SORL1: variants seen among roughly 807,000 people sequenced by gnomAD.
SORL1 encodes the protein sortilin related receptor 1, also known as sortilin-related receptor.
Under a neutral mutation model 273.7 loss-of-function variants are expected in SORL1, and 127 were observed. The observed-to-expected ratio is 0.46, with a 90% confidence interval of 0.40 to 0.54. SORL1 has a LOEUF of 0.54. Ranked by LOEUF, SORL1 falls within the 20% of genes least tolerant of loss-of-function variation. The pLI, the probability that SORL1 is intolerant of heterozygous loss-of-function variation, is 0.00. For missense variants in SORL1, 2,494 were observed against 2,846.1 expected, an observed-to-expected ratio of 0.88 and a Z score of 2.81; for synonymous variants, 1,031 against 1,067.4, an observed-to-expected ratio of 0.97 and a Z score of 0.66.
chr11:121,590,924 C>T (rs748021339), intron 30 of SORL1, 77 bp from the exon 31 acceptor site: 1 of 1,545,374 alleles, frequency 6.5e-7, no homozygotes, highest in Non-Finnish European at 8.9e-7. Flanking sequence ...GACATCCGCA[C>T]TAGGTTTGGG....
At chr11:121,482,334 G>A (rs1565309821) in intron 3 of SORL1, among the ~76,000 whole-genome samples, 1 of 152,210 alleles carries the variant, frequency 6.6e-6, no homozygotes, top group African/African-American at 2.4e-5. Flanking sequence ...GTACCTCCGA[G>A]TGGTGTGTCT....
chr11:121,583,855 TG>T (rs1382869220), intron 26 of SORL1, among the ~76,000 whole-genome samples: 2 of 152,234 alleles, frequency 1.3e-5, no homozygotes, highest in African/African-American at 4.8e-5. Context: ...AAATGTTTTT[TG>T]AAACCAAATA....
At chr11:121,476,744 TTCCCTCCCTCCCACGCTTCCTCCCTCCC>T (rs1861274455) in intron 2 of SORL1, among the ~76,000 whole-genome samples, 1 of 66,078 alleles carries the variant, frequency 1.5e-5, no homozygotes, top group Non-Finnish European at 2.9e-5. Context: ...CTCCCTTCCC[TTCCCTCCCTCCCACGCTTCCTCCCTCCC>T]TCCCTCCCTC....
intron 10 of SORL1, 77 bp from the exon 11 acceptor site, chr11:121,522,839 G>A (rs983376372): frequency 6.8e-5 from 96 of 1,409,834 alleles, no homozygotes; most frequent in East Asian, 2.3e-5. Flanking sequence ...TAGATACTAC[G>A]CAGAATTTCT....
chr11:121,512,669 C>A (rs1159404503), intron 6 of SORL1, among the ~76,000 whole-genome samples: 1 of 152,210 alleles, frequency 6.6e-6, no homozygotes, highest in Non-Finnish European at 1.5e-5. Context: ...TCTTCAGCCT[C>A]ATCACACAAT....
At chr11:121,503,914 CCAAAA>C (rs1181170047) in intron 6 of SORL1, among the ~76,000 whole-genome samples, 1 of 151,978 alleles carries the variant, frequency 6.6e-6, no homozygotes, top group Non-Finnish European at 1.5e-5. Context: ...CAATTTTTTG[CCAAAA>C]CAAAACAAAA....
chr11:121,565,512 A>G (rs1237168431), intron 21 of SORL1, among the ~76,000 whole-genome samples: 1 of 152,234 alleles, frequency 6.6e-6, no homozygotes, highest in Non-Finnish European at 1.5e-5. Context: ...GCTTAGATGA[A>G]TGCTTGGCTG....
chr11:121,562,651 TTCA>T (rs1862695406), intron 21 of SORL1, among the ~76,000 whole-genome samples: 1 of 152,150 alleles, frequency 6.6e-6, no homozygotes, highest in African/African-American at 2.4e-5. Context: ...CTTATTTTAC[TTCA>T]TGATGACCCT....
intron 11 of SORL1, among the ~76,000 whole-genome samples, chr11:121,526,189 G>A (rs1480481714): frequency 1.3e-5 from 2 of 151,854 alleles, no homozygotes; most frequent in Non-Finnish European, 2.9e-5. Flanking sequence ...AATTGATTTA[G>A]CACCATTTAT....
chr11:121,459,692 C>T (rs965371873), intron 1 of SORL1, among the ~76,000 whole-genome samples: 3 of 152,228 alleles, frequency 2.0e-5, no homozygotes, highest in Non-Finnish European at 2.9e-5. Context: ...AGACCCTGCA[C>T]GTTCTGTTTA....
chr11:121,521,910 C>G (rs1862045904), intron 9 of SORL1, among the ~76,000 whole-genome samples: 1 of 152,204 alleles, frequency 6.6e-6, no homozygotes, highest in Non-Finnish European at 1.5e-5. Flanking sequence ...TCTTTCTGAC[C>G]AGGAGAACTG....
chr11:121,590,612 C>T (rs1863196028), intron 30 of SORL1: 1 of 592,948 alleles, frequency 1.7e-6, no homozygotes, highest in Admixed American at 3.0e-5. Flanking sequence ...CTGGCATTCT[C>T]ATCTCTGAAC....
At chr11:121,508,413 A>G (rs1384106844) in intron 6 of SORL1, among the ~76,000 whole-genome samples, 1 of 152,160 alleles carries the variant, frequency 6.6e-6, no homozygotes, top group Non-Finnish European at 1.5e-5. Context: ...CCAATTGGTA[A>G]TACTGTCTTC....
In SORL1 at chr11:121,478,234, C is replaced by T; in HGVS notation, c.519C>T (p.Asp173=). ...CCCAGTTCTACCACAGCCCTGCGGA[C>T]AACAAGCGGGTAAGGAAGTGGCCAT... is the stretch of plus-strand genomic sequence containing the variant. The part of the protein sequence containing the change: ...VIAQFYHSPA[D]NKRYIFADAY... The change falls in exon 3 of 48, where the codon GAC becomes GAT. Residue 173 remains aspartate (D), a synonymous_variant. Coordinates refer to ENST00000260197, the MANE Select transcript of SORL1 (RefSeq NM_003105.6). 1 of 1,613,888 alleles carries T rather than the reference C, an allele frequency of 6.2e-7. No homozygotes were observed. Among genetic ancestry groups the T allele is most frequent in the Middle Eastern group, 1.7e-4 (1 of 6,058 alleles).
intron 11 of SORL1, among the ~76,000 whole-genome samples, chr11:121,529,869 A>G (rs947110866): frequency 1.3e-5 from 2 of 151,930 alleles, no homozygotes; most frequent in African/African-American, 4.8e-5. Flanking sequence ...CATTTCTCCT[A>G]TTTATTATTC....
In SORL1 at chr11:121,554,096, T is replaced by C; in HGVS notation, c.2426T>C (p.Leu809Ser). The C allele has an allele frequency of 6.2e-7, 1 of 1,614,050 alleles. No individual in the cohort carries two copies. The highest frequency in any genetic ancestry group is 2.2e-5 in the East Asian group (1 of 44,872). ...HNCLYWSDLA[L>S]DVIQRLCLNG... is the part of the protein sequence containing the mutation. ...TGTTTGTATTGGTCCGACCTGGCCT[T>C]GGACGTCATCCAGGTGAGTCAGCGC... Residue 809 changes from leucine to serine, a missense_variant, in exon 17 of 48, where the codon TTG becomes TCG. Leu to Ser is a moderately radical substitution (Grantham distance 145, BLOSUM62 -2). This residue lies in a region of SORL1 where 710 missense variants were observed against 882.5 expected (regional missense o/e 0.80). Coordinates refer to ENST00000260197, the MANE Select transcript of SORL1 (RefSeq NM_003105.6). This position sits in a 1 kb window ranked among gnomAD's most constrained non-coding sequence, Gnocchi z 4.6.
At chr11:121,528,887 T>C (rs1028425709) in intron 11 of SORL1, among the ~76,000 whole-genome samples, 1 of 152,200 alleles carries the variant, frequency 6.6e-6, no homozygotes, top group East Asian at 1.9e-4. Context: ...ATGAAGGTGG[T>C]TGATAATGTT....
intron 31 of SORL1, among the ~76,000 whole-genome samples, chr11:121,594,530 T>A (rs1206638976): frequency 6.6e-6 from 1 of 152,162 alleles, no homozygotes; most frequent in Non-Finnish European, 1.5e-5. Context: ...GGTTTTAACT[T>A]TAAGAGCTTC....
chr11:121,583,485 A>G lies in SORL1; in HGVS notation c.3608A>G (p.Asn1203Ser). The part of the protein sequence containing the change: ...TAIYHTCEAS[N>S]FQCRNGHCIP... ...ATCTATCACACCTGTGAGGCCTCCA[A>G]CTTCCAGTGCCGAAACGGGCACTGC... Residue 1203 changes from asparagine to serine, a missense_variant, in exon 26 of 48, where the codon AAC (asparagine) becomes AGC (serine). Physicochemically the swap from Asn to Ser is conservative, Grantham distance 46. Around this residue, in one of 3 missense-constraint regions of SORL1, gnomAD observed 1,609 missense variants for 1,816.4 expected, o/e 0.89. Transcript: ENST00000260197. 6.2e-7 allele frequency: 1 copy of G among 1,613,006 alleles called. No individual in the cohort carries two copies.
Sources: allele counts gnomAD v4.1 joint callset (sites outside exome capture counted in the v4.1 genomes callset), GRCh38; gene constraint gnomAD v4.1.1; regional missense constraint gnomAD v4.1.1; non-coding constraint Gnocchi (gnomAD v3.1); transcripts MANE v1.5; gene names NCBI Gene and HGNC (gene_info 2026-07-23, HGNC 2026-07-21).